Variants in XPNPEP3 observed in about 807,000 individuals in gnomAD.
XPNPEP3 encodes the protein xaa-Pro aminopeptidase 3.
XPNPEP3 carries 41 observed loss-of-function variants against 60.0 expected under a neutral mutation model. The ratio of observed to expected loss-of-function variants is 0.68; its 90% CI spans 0.53 to 0.89. The LOEUF (loss-of-function observed/expected upper bound fraction) is 0.89, where lower values mean the gene tolerates loss of function less well. Among genes scored for constraint, XPNPEP3 ranks in the 40% least tolerant of loss-of-function variants. The pLI, the probability that XPNPEP3 is intolerant of heterozygous loss-of-function variation, is 0.00. For synonymous variants in XPNPEP3, 212 were observed against 223.2 expected, an observed-to-expected ratio of 0.95 and a Z score of 0.45; for missense variants, 598 against 638.9, an observed-to-expected ratio of 0.94 and a Z score of 0.69.
At chr22:40,861,059 G>T in intron 1 of XPNPEP3, 1 of 1,570,642 alleles carries the variant, frequency 6.4e-7, no homozygotes. Context: ...TATTTGAAGA[G>T]TCAATTTAAC....
intron 1 of XPNPEP3, chr22:40,859,505 T>A (rs2044564673): frequency 6.6e-6 from 1 of 152,174 alleles, no homozygotes; most frequent in Non-Finnish European, 1.5e-5. Context: ...ACATGCATGA[T>A]AACAGATAAA....
intron 2 of XPNPEP3, among the ~76,000 whole-genome samples, chr22:40,871,160 C>T (rs1007946669): frequency 2.0e-5 from 3 of 152,044 alleles, no homozygotes; most frequent in African/African-American, 7.3e-5. Flanking sequence ...GTTAGGAGTT[C>T]GAGACGAGCA....
chr22:40,917,526 A>G (rs948166667), intron 7 of XPNPEP3: 15 of 152,204 alleles, frequency 9.9e-5, no homozygotes, highest in African/African-American at 3.6e-4. Flanking sequence ...TTGTGAATAT[A>G]CTTAAAACCA....
At position 40,926,251 on chromosome 22, in the gene XPNPEP3, C is replaced by T; in HGVS notation, c.1358-18C>T. ...TACTATCATTCCTGAACAGCATGTT[C>T]TTCTTTCTACTTCACAGGCATTTAT... On this transcript the variant is annotated intron_variant, in intron 9 of 9. Transcript: ENST00000357137. 2 of 1,614,028 alleles carry T rather than the reference C, an allele frequency of 1.2e-6. No homozygotes were observed. Among genetic ancestry groups the T allele is most frequent in the Non-Finnish European group, 1.7e-6 (2 of 1,179,988 alleles).
rs1401818623 is a variant in XPNPEP3 at position 40,883,444 on chromosome 22, C to T, written c.589+1267C>T. Among the ~76,000 whole-genome samples the T allele has an allele frequency of 5.3e-5, 8 of 152,040 alleles. 1 individual carries two copies. Among genetic ancestry groups the T allele is most frequent in the South Asian group, 2.1e-4 (1 of 4,814 alleles). On this transcript the variant is annotated intron_variant, in intron 3 of 9. Transcript: ENST00000357137. ...GCACACTCATGGCTCACTGCAACCT[C>T]GAACCCCAAAGCTCAAGCAGTCTTC... is the stretch of plus-strand genomic sequence containing the variant.
At chr22:40,865,024 A>G (rs2057971181) in intron 1 of XPNPEP3, among the ~76,000 whole-genome samples, 1 of 152,250 alleles carries the variant, frequency 6.6e-6, no homozygotes, top group Non-Finnish European at 1.5e-5. Context: ...AGTGGAGTGT[A>G]AAGTTATAAT....
chr22:40,862,787 ATTG>A, intron 1 of XPNPEP3: 1 of 982,614 alleles, frequency 1.0e-6, no homozygotes, highest in Non-Finnish European at 1.2e-6. Flanking sequence ...CTGTATAATT[ATTG>A]ATTGTCTACT....
chr22:40,922,301 A>G (rs760366407), intron 7 of XPNPEP3, 32 bp from the exon 8 acceptor site: 26 of 1,612,904 alleles, frequency 1.6e-5, no homozygotes, highest in Non-Finnish European at 2.2e-5. Flanking sequence ...CAGATTATCT[A>G]AGTTCAGGTT....
At chr22:40,918,012 A>AG (rs2058202817) in intron 7 of XPNPEP3, among the ~76,000 whole-genome samples, 1 of 150,040 alleles carries the variant, frequency 6.7e-6, no homozygotes, top group Non-Finnish European at 1.5e-5. Context: ...CTCTGTCTAA[A>AG]AAAAAAAAAA....
At chr22:40,860,726 C>A in intron 1 of XPNPEP3, 1 of 882,866 alleles carries the variant, frequency 1.1e-6, no homozygotes, top group Non-Finnish European at 1.7e-6. Context: ...GATCCCATTA[C>A]ACTGCAACCT....
chr22:40,863,443 C>T (rs1470509554), intron 1 of XPNPEP3, among the ~76,000 whole-genome samples: 2 of 152,110 alleles, frequency 1.3e-5, no homozygotes, highest in Non-Finnish European at 2.9e-5. Flanking sequence ...ATTTATAACC[C>T]CTCAGTTAAA....
In XPNPEP3 at chr22:40,868,182, T is replaced by C. The variant is rs570361475; in HGVS notation, c.65-817T>C. On this transcript the variant is annotated intron_variant, in intron 1 of 9. Transcript: ENST00000357137. ...GTTGTACTCTATGATTAAGCATTTT[T>C]CATAAATTATTTTATCTAGCTCTGA... Among the ~76,000 whole-genome samples, 5 of 152,334 alleles carry C rather than the reference T, an allele frequency of 3.3e-5. No individual in the cohort carries two copies. In the East Asian group the frequency reaches 9.6e-4, roughly 29 times the overall value.
chr22:40,882,254 T>A, intron 3 of XPNPEP3, 77 bp downstream of exon 3: 1 of 1,510,344 alleles, frequency 6.6e-7, no homozygotes, highest in Non-Finnish European at 9.1e-7. Context: ...GACAAGTCCT[T>A]AATTTTGTTA....
At chr22:40,886,224 T>C (rs1443127007) in intron 3 of XPNPEP3, 89 bp from the exon 4 acceptor site, 1 of 1,343,972 alleles carries the variant, frequency 7.4e-7, no homozygotes, top group East Asian at 2.3e-5. Flanking sequence ...TTTTATAGTT[T>C]TGACTCTTGT....
intron 4 of XPNPEP3, among the ~76,000 whole-genome samples, chr22:40,899,455 A>G (rs576035720): frequency 1.3e-5 from 2 of 152,174 alleles, no homozygotes; most frequent in Admixed American, 6.5e-5. Flanking sequence ...AGCATGTGCC[A>G]TATCAAACCA....
intron 6 of XPNPEP3, 44 bp downstream of exon 6, chr22:40,909,279 G>GCCT: frequency 6.7e-7 from 1 of 1,500,446 alleles, no homozygotes; most frequent in Non-Finnish European, 9.3e-7. Context: ...GGTCCAGATA[G>GCCT]CCTAGTAGAA....
intron 1 of XPNPEP3, among the ~76,000 whole-genome samples, chr22:40,859,026 G>A (rs962364112): frequency 1.3e-5 from 2 of 152,104 alleles, no homozygotes; most frequent in African/African-American, 4.8e-5. Context: ...AAAGTGTTGC[G>A]ATTATAAGTG....
chr22:40,884,289 C>G (rs999879747), intron 3 of XPNPEP3, among the ~76,000 whole-genome samples: 1 of 150,162 alleles, frequency 6.7e-6, no homozygotes, highest in African/African-American at 2.4e-5. Context: ...TAGTTACAAT[C>G]TCATGTAAAA....
intron 1 of XPNPEP3, chr22:40,862,177 C>A: frequency 7.1e-7 from 1 of 1,405,322 alleles, no homozygotes; most frequent in Non-Finnish European, 9.3e-7. Flanking sequence ...AGCAGAGTTA[C>A]AAATATGTCA....
Sources: gnomAD v4.1 joint callset for allele counts (sites outside exome capture counted in the v4.1 genomes callset) on GRCh38, gnomAD v4.1.1 for gene constraint, MANE v1.5 for transcripts, NCBI Gene and HGNC (gene_info 2026-07-23, HGNC 2026-07-21) for gene names.